The following ZFHX3 variants were observed in gnomAD, a reference collection of about 807,000 sequenced individuals.
The protein encoded by ZFHX3 is zinc finger homeobox protein 3.
Under a neutral mutation model 279.1 loss-of-function variants are expected in ZFHX3, and 42 were observed. That is an observed-to-expected ratio of 0.15 (90% CI 0.12 to 0.19). The LOEUF is 0.19. Ranked by LOEUF, ZFHX3 falls within the 10% of genes least tolerant of loss-of-function variation. The pLI, the probability that ZFHX3 is intolerant of heterozygous loss-of-function variation, is 1.00. For synonymous variants in ZFHX3, 2,293 were observed against 1,957.8 expected, an observed-to-expected ratio of 1.17 and a Z score of -4.52; for missense variants, 4,981 against 4,754.0, an observed-to-expected ratio of 1.05 and a Z score of -1.40.
chr16:73,401,385 C>CACACACAA (rs2017250709), intron 3 of ZFHX3: 1 of 150,890 alleles, frequency 6.6e-6, no homozygotes, highest in Non-Finnish European at 1.5e-5. Context: ...CACACACACA[C>CACACACAA]ACACACACAC....
At chr16:73,209,382 G>A (rs537686086) in intron 5 of ZFHX3, among the ~76,000 whole-genome samples, 1 of 152,260 alleles carries the variant, frequency 6.6e-6, no homozygotes, top group South Asian at 2.1e-4. Flanking sequence ...AGGGTGGGAA[G>A]TCCAAGGTCA....
intron 1 of ZFHX3, among the ~76,000 whole-genome samples, chr16:73,759,478 C>A (rs1348847755): frequency 6.6e-6 from 1 of 152,204 alleles, no homozygotes; most frequent in East Asian, 1.9e-4. Context: ...GAAGCCCATA[C>A]ACCCTGCTAA....
At chr16:73,275,166 C>G (rs1204659870) in intron 4 of ZFHX3, among the ~76,000 whole-genome samples, 2 of 152,194 alleles carry the variant, frequency 1.3e-5, no homozygotes, top group Non-Finnish European at 2.9e-5. Context: ...GCTTTAGTCT[C>G]ACTTGTTACT....
At chr16:72,935,981 G>A (rs931743436) in intron 3 of ZFHX3, among the ~76,000 whole-genome samples, 1 of 152,204 alleles carries the variant, frequency 6.6e-6, no homozygotes, top group East Asian at 1.9e-4. Flanking sequence ...ATTTTAGTTG[G>A]CAGAATTTGG....
At chr16:73,551,917 T>A (rs927551548) in intron 2 of ZFHX3, among the ~76,000 whole-genome samples, 1 of 152,202 alleles carries the variant, frequency 6.6e-6, no homozygotes, top group South Asian at 2.1e-4. Flanking sequence ...AATGCATACA[T>A]ATAAACAAGT....
chr16:73,304,180 G>GT (rs1164787955), intron 4 of ZFHX3, among the ~76,000 whole-genome samples: 1 of 152,122 alleles, frequency 6.6e-6, no homozygotes, highest in East Asian at 1.9e-4. Context: ...GGTTCAGGGT[G>GT]TGAGTCGGAA....
intron 1 of ZFHX3, among the ~76,000 whole-genome samples, chr16:73,851,957 C>T (rs1292079574): frequency 6.6e-6 from 1 of 152,168 alleles, no homozygotes; most frequent in Non-Finnish European, 1.5e-5. Context: ...GGATGCCAAA[C>T]ATCCAGCATA....
At chr16:72,856,106 C>T (rs368471145) in intron 4 of ZFHX3, among the ~76,000 whole-genome samples, 4 of 152,286 alleles carry the variant, frequency 2.6e-5, no homozygotes, top group South Asian at 2.1e-4. Flanking sequence ...ACTTCACCAG[C>T]GCCTTGGGGT....
intron 3 of ZFHX3, among the ~76,000 whole-genome samples, chr16:73,321,667 A>C (rs369244959): frequency 6.1e-4 from 93 of 152,316 alleles, no homozygotes; most frequent in African/African-American, 2.2e-3. Flanking sequence ...TCTTCTCTAC[A>C]TGCTGCAGGC....
At position 72,797,889 on chromosome 16, in the gene ZFHX3, C is replaced by T. The variant is rs749669126; in HGVS notation, c.4793G>A (p.Cys1598Tyr). The change falls in exon 9 of 10, where the codon TGT (cysteine) becomes TAT (tyrosine). Residue 1598 changes from cysteine to tyrosine, a missense_variant. Cys to Tyr is a radical substitution (Grantham distance 194). Coordinates refer to ENST00000268489, the MANE Select transcript of ZFHX3 (RefSeq NM_006885.4). ...TSSPDNKPFK[C>Y]NTCNVAYSQS... ...GCTGTAGGCCACATTACAAGTGTTA[C>T]ACTTAAAAGGTTTGTTGTCTGGGCT... The T allele has an allele frequency of 6.2e-7, 1 of 1,614,176 alleles. No individual in the cohort carries two copies. Among genetic ancestry groups the T allele is most frequent in the East Asian group, 2.2e-5 (1 of 44,874 alleles).
chr16:73,329,632 C>T (rs560376976), intron 3 of ZFHX3, among the ~76,000 whole-genome samples: 32 of 152,256 alleles, frequency 2.1e-4, no homozygotes, highest in Non-Finnish European at 8.8e-5. Context: ...GCAAGCCAGG[C>T]CACATTAAAA....
chr16:73,701,890 A>AAATCTT lies in ZFHX3; in HGVS notation c.-1607-21656_-1607-21651dup, dbSNP rs1302013520. ...TGAGTCATAAAAAAAAAAGCAGAAG[A>AAATCTT]AATCTTAAGTATGTGGGCGATTTCT... On this transcript the variant is annotated intron_variant, in intron 1 of 17. Transcript: ENST00000641206. Among the ~76,000 whole-genome samples, 4 of 152,156 alleles carry AAATCTT rather than the reference A, an allele frequency of 2.6e-5. No homozygotes were observed. In the East Asian group the frequency reaches 7.7e-4, roughly 29 times the overall value.
intron 3 of ZFHX3, among the ~76,000 whole-genome samples, chr16:73,434,123 T>C (rs1027560179): frequency 6.6e-6 from 1 of 152,192 alleles, no homozygotes; most frequent in African/African-American, 2.4e-5. Context: ...CACACTGTAA[T>C]TCAGAATACG....
intron 3 of ZFHX3, among the ~76,000 whole-genome samples, chr16:73,442,735 G>T (rs564351495): frequency 6.6e-6 from 1 of 152,180 alleles, no homozygotes; most frequent in South Asian, 2.1e-4. Flanking sequence ...TGCCAAAAGG[G>T]CCAGATTTGA....
At chr16:73,788,824 A>T (rs144953433) in intron 1 of ZFHX3, among the ~76,000 whole-genome samples, 2 of 151,412 alleles carry the variant, frequency 1.3e-5, no homozygotes, top group African/African-American at 2.4e-5. Flanking sequence ...AATGCAAAAA[A>T]TTAGCTGGGT....
intron 4 of ZFHX3, among the ~76,000 whole-genome samples, chr16:72,858,951 T>C (rs1189047931): frequency 6.6e-6 from 1 of 152,188 alleles, no homozygotes; most frequent in Non-Finnish European, 1.5e-5. Flanking sequence ...TCAACTTCGC[T>C]TTCTGTCTGC....
intron 1 of ZFHX3, among the ~76,000 whole-genome samples, chr16:73,729,319 G>T (rs1453284646): frequency 2.6e-5 from 4 of 152,186 alleles, no homozygotes; most frequent in African/African-American, 9.7e-5. Context: ...TTGAGGTAAG[G>T]AGTTCGAGAC....
chr16:73,885,029 A>G (rs1395309460), intron 1 of ZFHX3, among the ~76,000 whole-genome samples: 4 of 152,150 alleles, frequency 2.6e-5, no homozygotes, highest in Non-Finnish European at 5.9e-5. Context: ...TAATAAACAG[A>G]GACATCCCCT....
rs112649121 is a variant in ZFHX3 at position 73,734,221 on chromosome 16, T to C, written c.-1607-53981A>G. Reference sequence around the variant, plus strand: ...TCCTGCTGTGCAGCCCGGTTCCTAATAGGCCATGGACTATCACCAGTCCAT... The same window carrying C: ...TCCTGCTGTGCAGCCCGGTTCCTAACAGGCCATGGACTATCACCAGTCCAT... On this transcript the variant is annotated intron_variant, in intron 1 of 17. Coordinates refer to the ZFHX3 transcript ENST00000641206. 4.5e-3 allele frequency among the ~76,000 whole-genome samples: 679 copies of C among 152,288 alleles called. 8 individuals carry two copies. The highest frequency in any genetic ancestry group is 0.016 in the African/African-American group (660 of 41,560).
Sources: allele counts gnomAD v4.1 joint callset (sites outside exome capture counted in the v4.1 genomes callset), GRCh38; gene constraint gnomAD v4.1.1; transcripts MANE v1.5; gene names NCBI Gene and HGNC (gene_info 2026-07-23, HGNC 2026-07-21).